Variants in NRAP observed in about 807,000 individuals in gnomAD.
The protein encoded by NRAP is nebulin-related-anchoring protein.
In NRAP, 189 loss-of-function variants were observed where a neutral mutation model predicts 225.9. The ratio of observed to expected loss-of-function variants is 0.84; its 90% CI spans 0.74 to 0.94. The LOEUF is 0.94. Ranked by LOEUF, NRAP falls within the 40% of genes least tolerant of loss-of-function variation. The pLI is 0.00. For missense variants in NRAP, 2,176 were observed against 2,168.7 expected (o/e 1.00, Z -0.07); for synonymous variants, 769 against 790.7 (o/e 0.97, Z 0.46).
Position 113,643,010 on chromosome 10 carries a change from C to G in NRAP, c.1139G>C (p.Ser380Thr). Residue 380 changes from serine to threonine, a missense_variant, in exon 12 of 42, where the codon AGT becomes ACT. Transcript: ENST00000359988. The stretch of plus-strand genomic sequence containing the variant: ...ACAGTAGTTGATACTGTGACCTCTA[C>G]TACTTTCCAGATCCTTCTTATACTC... Reference protein sequence around the residue: ...EVEYKKDLESSRGHSINYCET... With the variant: ...EVEYKKDLESTRGHSINYCET... 6.3e-7 allele frequency: 1 copy of G among 1,596,016 alleles called. No individual in the cohort carries two copies. The highest frequency in any genetic ancestry group is 8.6e-7 in the Non-Finnish European group (1 of 1,163,494).
chr10:113,663,440 G>A lies in NRAP; in HGVS notation c.79C>T (p.His27Tyr). Residue 27 changes from histidine to tyrosine, a missense_variant, in exon 2 of 42, where the codon CAT becomes TAT. Physicochemically the swap from His to Tyr is moderately conservative, Grantham distance 83. Coordinates refer to ENST00000359988, the MANE Select transcript of NRAP (RefSeq NM_198060.4). Reference sequence around the variant, plus strand: ...ACTTCACAGTGAAAACAGGCTTTATGCCATATCTAGAAATCATATAGAGAA... The same window carrying A: ...ACTTCACAGTGAAAACAGGCTTTATACCATATCTAGAAATCATATAGAGAA... ...EKISCIDQIW[H>Y]KACFHCEVCK... 6.3e-7 allele frequency: 1 copy of A among 1,590,494 alleles called. No individual in the cohort carries two copies. Among genetic ancestry groups the A allele is most frequent in the Non-Finnish European group, 8.6e-7 (1 of 1,158,540 alleles).
chr10:113,602,234 G>T (rs1846650952), intron 35 of NRAP, among the ~76,000 whole-genome samples: 1 of 152,164 alleles, frequency 6.6e-6, no homozygotes, highest in Non-Finnish European at 1.5e-5. Flanking sequence ...GACTGCTCAT[G>T]GACACACAGT....
At chr10:113,625,009 T>A (rs896476915) in intron 21 of NRAP, 79 bp from the exon 22 acceptor site, 26 of 832,602 alleles carry the variant, frequency 3.1e-5, no homozygotes, top group East Asian at 2.9e-4. Context: ...GGTGTCTCTG[T>A]CTGGTTGGCA....
chr10:113,612,647 T>C (rs533118031), intron 29 of NRAP, among the ~76,000 whole-genome samples: 39 of 152,298 alleles, frequency 2.6e-4, no homozygotes, highest in African/African-American at 8.7e-4. Flanking sequence ...GTCATTGATC[T>C]GGATGAAGAA....
rs34853072 is a variant in NRAP at position 113,657,554 on chromosome 10, A to G, written c.276T>C (p.Gly92=). ...AGTGAAAAACTGATTTACACTGTTCACCATCTTCTTGGTCATGGATCTGCT... is the reference window on the plus strand; with the variant it reads ...AGTGAAAAACTGATTTACACTGTTCGCCATCTTCTTGGTCATGGATCTGCT... The part of the protein sequence containing the change: ...AISGIHDQED[G]EQCKSVFHWD... Residue 92 remains glycine (G), a synonymous_variant, in exon 4 of 42, where the codon GGT becomes GGC. Transcript: ENST00000359988. The G allele has an allele frequency of 6.3e-7, 1 of 1,592,230 alleles. No individual in the cohort carries two copies. The highest frequency in any genetic ancestry group is 1.3e-5 in the African/African-American group (1 of 74,602).
chr10:113,619,375 A>C (rs1847858564), intron 25 of NRAP, among the ~76,000 whole-genome samples: 1 of 152,122 alleles, frequency 6.6e-6, no homozygotes, highest in Non-Finnish European at 1.5e-5. Context: ...CTGAACTAGA[A>C]TGAACAAATT....
chr10:113,610,494 C>A lies in NRAP; in HGVS notation c.3568G>T (p.Glu1190Ter), dbSNP rs530462185. 1.2e-5 allele frequency: 20 copies of A among 1,600,054 alleles called. No homozygotes were observed. Among genetic ancestry groups the A allele is most frequent in the African/African-American group, 1.2e-4 (9 of 74,820 alleles). Reference protein sequence around the residue: ...ACVIPGTLEIEGRKKASELIS... With the variant: ...ACVIPGTLEI ...AGTTCCGATGCTTTCTTCCTCCCTT[C>A]AATCTCTAACGTGCCTGGAATGACA... Residue 1190 changes from glutamate (E) to a stop codon, truncating the protein, a stop_gained, in exon 31 of 42, where the codon GAA (glutamate) becomes TAA (stop). Transcript: ENST00000359988. LOFTEE classifies it high-confidence loss of function.
intron 31 of NRAP, 87 bp downstream of exon 31, chr10:113,610,372 A>AG (rs1172942430): frequency 1.9e-5 from 13 of 690,006 alleles, no homozygotes; most frequent in Non-Finnish European, 3.3e-5. Context: ...AAAAAAAAAA[A>AG]AGGAAGAAAG....
intron 21 of NRAP, among the ~76,000 whole-genome samples, chr10:113,625,250 A>G (rs3121456): frequency 6.6e-6 from 1 of 151,984 alleles, no homozygotes. Context: ...TCTGTGGCCA[A>G]AAAAATACCC....
chr10:113,632,867 C>T (rs1181974209), intron 16 of NRAP, among the ~76,000 whole-genome samples: 1 of 152,216 alleles, frequency 6.6e-6, no homozygotes, highest in African/African-American at 2.4e-5. Context: ...AGATTGTACA[C>T]ATGCTCATAT....
At chr10:113,589,103 A>G (rs1370115232) in intron 41 of NRAP, 24 bp from the exon 42 acceptor site, 3 of 1,600,824 alleles carry the variant, frequency 1.9e-6, no homozygotes, top group African/African-American at 1.3e-5. Flanking sequence ...ACATACCCCA[A>G]GTTAAAATGA....
intron 18 of NRAP, 70 bp from the exon 19 acceptor site, chr10:113,629,855 G>A (rs1450876397): frequency 7.2e-6 from 8 of 1,103,828 alleles, no homozygotes; most frequent in Admixed American, 1.8e-5. Flanking sequence ...ATGTGAAAAT[G>A]CAGGAAAGAT....
intron 38 of NRAP, among the ~76,000 whole-genome samples, chr10:113,593,209 C>T (rs1473664457): frequency 2.0e-5 from 3 of 152,122 alleles, no homozygotes; most frequent in African/African-American, 4.8e-5. Context: ...GTCGGTTGCT[C>T]ACTCGTTCCA....
chr10:113,610,639 C>T, intron 30 of NRAP, 76 bp from the exon 31 acceptor site: 1 of 832,110 alleles, frequency 1.2e-6, no homozygotes, highest in Non-Finnish European at 2.0e-6. Flanking sequence ...AACCAGAGGT[C>T]TCATGACACA....
intron 4 of NRAP, among the ~76,000 whole-genome samples, chr10:113,656,820 A>T (rs1175728904): frequency 6.6e-6 from 1 of 152,222 alleles, no homozygotes; most frequent in Non-Finnish European, 1.5e-5. Flanking sequence ...TATCCACAAG[A>T]TTGACGAGAG....
chr10:113,631,170 C>T (rs1390420860), intron 18 of NRAP, among the ~76,000 whole-genome samples: 1 of 152,298 alleles, frequency 6.6e-6, no homozygotes, highest in Middle Eastern at 3.4e-3. Context: ...ACTTATTATG[C>T]GCTGTTCATT....
rs762140466 is a variant in NRAP at position 113,614,136 on chromosome 10, T to C, written c.3300+47A>G. On this transcript the variant is annotated intron_variant, in intron 29 of 41. Transcript: ENST00000359988. ...GGTTAGGTTGCCATGCAGTGAGCGT[T>C]GTCAGGTGGGGGCCCTGCAGCCGCT... 2.4e-6 allele frequency: 3 copies of C among 1,237,860 alleles called. No individual in the cohort carries two copies. In the South Asian group the frequency reaches 3.6e-5, roughly 15 times the overall value. 76.7% of individuals were successfully genotyped at this position (1,237,860 alleles called of 1,614,324 possible). A position where few individuals can be genotyped will look rare whatever the true frequency, so the allele number is the denominator to read the frequency against.
rs201011421 is a variant in NRAP at position 113,663,892 on chromosome 10, G to T, written c.-10C>A. 6.9e-5 allele frequency: 111 copies of T among 1,607,952 alleles called. No homozygotes were observed. Among genetic ancestry groups the T allele is most frequent in the Non-Finnish European group, 7.7e-6 (9 of 1,174,650 alleles). ...AGGGCTGCACATTCATCTCGAAGCC[G>T]GAAGAGAGAGGACAAAGATAGGCAA... On this transcript the variant is annotated 5_prime_UTR_variant, in exon 1 of 42. Transcript: ENST00000359988.
At position 113,590,426 on chromosome 10, in the gene NRAP, G is replaced by A. The variant is rs1017587804; in HGVS notation, c.4956+152C>T. On this transcript the variant is annotated intron_variant, in intron 40 of 41. Coordinates refer to ENST00000359988, the MANE Select transcript of NRAP (RefSeq NM_198060.4). ...CACTCGAGAAGTGGTGGTTATTATTGTTATTCTTTCTGGCACTAAAGTGTT... is the reference window on the plus strand; with the variant it reads ...CACTCGAGAAGTGGTGGTTATTATTATTATTCTTTCTGGCACTAAAGTGTT... 8 of 704,382 alleles carry A rather than the reference G, an allele frequency of 1.1e-5. No homozygotes were observed. The Admixed American group carries it at 2.3e-4, about 20-fold the overall frequency. 43.6% of individuals were successfully genotyped at this position (704,382 alleles called of 1,614,324 possible). A position where few individuals can be genotyped will look rare whatever the true frequency, so the allele number is the denominator to read the frequency against.
Sources: allele counts gnomAD v4.1 joint callset (sites outside exome capture counted in the v4.1 genomes callset), GRCh38; gene constraint gnomAD v4.1.1; transcripts MANE v1.5; gene names NCBI Gene and HGNC (gene_info 2026-07-23, HGNC 2026-07-21).